The following CYP4F22 variants were observed in gnomAD, a reference collection of about 807,000 sequenced individuals.
CYP4F22 encodes the protein ultra-long-chain fatty acid omega-hydroxylase.
In CYP4F22, 37 loss-of-function variants were observed where a neutral mutation model predicts 60.4. The observed-to-expected ratio is 0.61, with a 90% CI of 0.47 to 0.81. The LOEUF (loss-of-function observed/expected upper bound fraction) is 0.81, where lower values mean the gene tolerates loss of function less well. CYP4F22 is among the 30% of genes least tolerant of loss of function. The pLI is 0.00. For missense variants in CYP4F22, 655 were observed against 715.0 expected (o/e 0.92, Z 0.96); for synonymous variants, 258 against 280.5 (o/e 0.92, Z 0.80).
intron 4 of CYP4F22, among the ~76,000 whole-genome samples, chr19:15,533,748 G>A (rs1446467821): frequency 6.6e-6 from 1 of 151,714 alleles, no homozygotes; most frequent in Non-Finnish European, 1.5e-5. Context: ...CTGCAGGCAC[G>A]CACCACCATG....
Position 15,544,050 on chromosome 19 carries a change from G to A in CYP4F22, c.1006+13G>A, listed in dbSNP as rs202078702. On this transcript the variant is annotated intron_variant, in intron 9 of 13. Transcript: ENST00000269703. Reference sequence around the variant, plus strand: ...TTCATGTTTGAGGGTGAGGATGTGGGGTGAGGCTGGAGGAGGGCAGGAAGG... The same window carrying A: ...TTCATGTTTGAGGGTGAGGATGTGGAGTGAGGCTGGAGGAGGGCAGGAAGG... 7.4e-4 allele frequency: 1,187 copies of A among 1,614,092 alleles called. 4 individuals are homozygous for A. The highest frequency in any genetic ancestry group is 6.6e-4 in the Non-Finnish European group (773 of 1,180,008).
At chr19:15,530,763 C>T (rs954151256) in intron 4 of CYP4F22, among the ~76,000 whole-genome samples, 2 of 152,108 alleles carry the variant, frequency 1.3e-5, no homozygotes, top group East Asian at 3.9e-4. Context: ...ATCATGGGAA[C>T]AGCAACATGG....
intron 10 of CYP4F22, among the ~76,000 whole-genome samples, chr19:15,545,607 CCACTG>C (rs1195782165): frequency 1.4e-5 from 2 of 141,938 alleles, no homozygotes; most frequent in African/African-American, 5.4e-5. Flanking sequence ...CAAGATTACG[CCACTG>C]CACTCCAGCC....
At chr19:15,511,155 G>A (rs982875463) in intron 1 of CYP4F22, among the ~76,000 whole-genome samples, 6 of 150,702 alleles carry the variant, frequency 4.0e-5, no homozygotes, top group African/African-American at 1.5e-4. Context: ...TAGTAGAGAT[G>A]GGGTTTCTCC....
At chr19:15,546,922 G>T (rs1249706822) in intron 10 of CYP4F22, among the ~76,000 whole-genome samples, 1 of 151,312 alleles carries the variant, frequency 6.6e-6, no homozygotes. Context: ...TGTTGCCCAG[G>T]CTGGTCACGA....
chr19:15,534,332 A>G (rs973347447), intron 4 of CYP4F22, among the ~76,000 whole-genome samples: 3 of 152,102 alleles, frequency 2.0e-5, no homozygotes, highest in Non-Finnish European at 4.4e-5. Context: ...TTGAACTCAG[A>G]CCTGGCTGGC....
At chr19:15,515,292 T>C (rs1654593) in intron 1 of CYP4F22, 1 of 1,067,346 alleles carries the variant, frequency 9.4e-7, no homozygotes, top group African/African-American at 1.6e-5. Flanking sequence ...TTTTAATATT[T>C]TCAGTGTATA....
rs752025061 is a variant in CYP4F22, at chr19:15,540,743, TG to T, written c.939+28del. On this transcript the variant is annotated intron_variant, in intron 8 of 13. Transcript: ENST00000269703. ...GTGAGGCTGGGCCCCCTGGAATTGC[TG>T]GCCTCCCGAGGGCTGGCCTCCCGAG... is the stretch of plus-strand genomic sequence containing the variant. 1.8e-5 allele frequency: 26 copies of T among 1,468,608 alleles called. No homozygotes were observed. The East Asian group carries it at 2.3e-4, about 13-fold the overall frequency. 91.0% of individuals were successfully genotyped at this position (1,468,608 alleles called of 1,614,324 possible). A position where few individuals can be genotyped will look rare whatever the true frequency, so the allele number is the denominator to read the frequency against.
chr19:15,522,168 G>C (rs1418960264), intron 1 of CYP4F22, among the ~76,000 whole-genome samples: 1 of 144,442 alleles, frequency 6.9e-6, no homozygotes, highest in East Asian at 2.1e-4. Context: ...AAAAAAAAAG[G>C]AAACACCATA....
chr19:15,510,952 A>ATC (rs1202017576), intron 1 of CYP4F22, among the ~76,000 whole-genome samples: 1 of 111,632 alleles, frequency 9.0e-6, no homozygotes, highest in African/African-American at 3.9e-5. Flanking sequence ...TACCATATAT[A>ATC]TATATATATA....
At position 15,548,138 on chromosome 19, in the gene CYP4F22, T is replaced by A; in HGVS notation, c.1167T>A (p.Thr389=). The stretch of plus-strand genomic sequence containing the variant: ...ATCTGACTCAGCTGCCCTTTACAAC[T>A]ATGTGCATTAAGGAGAGCCTGCGCC... The part of the protein sequence containing the change: ...WDDLTQLPFT[T]MCIKESLRQY... The change falls in exon 11 of 14, where the codon ACT becomes ACA. Residue 389 remains threonine, a synonymous_variant. Coordinates refer to ENST00000269703, the MANE Select transcript of CYP4F22 (RefSeq NM_173483.4). The A allele has an allele frequency of 1.2e-6, 2 of 1,613,852 alleles. No homozygotes were observed. The highest frequency in any genetic ancestry group is 1.7e-6 in the Non-Finnish European group (2 of 1,179,948).
At chr19:15,531,649 A>G (rs958870603) in intron 4 of CYP4F22, among the ~76,000 whole-genome samples, 1 of 152,164 alleles carries the variant, frequency 6.6e-6, no homozygotes, top group Non-Finnish European at 1.5e-5. Context: ...AGGGATGAAT[A>G]CCAACTTGTG....
At chr19:15,510,121 A>G (rs1971073089) in intron 1 of CYP4F22, among the ~76,000 whole-genome samples, 1 of 151,822 alleles carries the variant, frequency 6.6e-6, no homozygotes, top group Non-Finnish European at 1.5e-5. Context: ...ATGGAGGACT[A>G]CAGGCATGCA....
chr19:15,547,893 TGCATGA>T (rs1451710193), intron 10 of CYP4F22, among the ~76,000 whole-genome samples: 3 of 151,554 alleles, frequency 2.0e-5, no homozygotes, highest in Admixed American at 6.6e-5. Context: ...TTCCCACCTG[TGCATGA>T]GACAACTGCA....
Position 15,537,264 on chromosome 19 carries a change from G to A in CYP4F22, c.368-97G>A, listed in dbSNP as rs907512862. 1.5e-4 allele frequency: 229 copies of A among 1,511,218 alleles called. 1 individual carries two copies. Among genetic ancestry groups the A allele is most frequent in the Middle Eastern group, 4.7e-4 (2 of 4,276 alleles). The allele number at this position is 1,511,218 out of a possible 1,614,324, so 93.6% of individuals were successfully genotyped here. A position where few individuals can be genotyped will look rare whatever the true frequency, so the allele number is the denominator to read the frequency against. On this transcript the variant is annotated intron_variant, in intron 4 of 13. Coordinates refer to ENST00000269703, the MANE Select transcript of CYP4F22 (RefSeq NM_173483.4). ...TGCAGTGAGTGGAGATCGCACCACT[G>A]CACTCCAGCCTGGATGACAGAGCAA...
chr19:15,543,172 C>T (rs1971483080), intron 8 of CYP4F22, among the ~76,000 whole-genome samples: 1 of 152,146 alleles, frequency 6.6e-6, no homozygotes, highest in Non-Finnish European at 1.5e-5. Flanking sequence ...TTCCCATCAA[C>T]CTTGTAAAAG....
chr19:15,525,643 C>G, intron 3 of CYP4F22, 85 bp downstream of exon 3: 1 of 1,310,908 alleles, frequency 7.6e-7, no homozygotes, highest in Non-Finnish European at 1.1e-6. Context: ...GCTGGCTTCC[C>G]ACAGCCTCCC....
At position 15,551,813 on chromosome 19, in the gene CYP4F22, A is replaced by C. The variant is rs1971602394; in HGVS notation, c.*342A>C. 1 of 393,502 alleles carries C rather than the reference A, an allele frequency of 2.5e-6. No homozygotes were observed. The highest frequency in any genetic ancestry group is 4.7e-6 in the Non-Finnish European group (1 of 212,334). 24.4% of individuals were successfully genotyped at this position (393,502 alleles called of 1,614,324 possible). A position where few individuals can be genotyped will look rare whatever the true frequency, so the allele number is the denominator to read the frequency against. ...TGAGGTCCTCAGGCCACGCCCCTGC[A>C]GATCCAGGTCTCCAGGCCTTGCCCA... On this transcript the variant is annotated 3_prime_UTR_variant, in exon 14 of 14. Transcript: ENST00000269703.
chr19:15,511,971 G>A (rs1568351732), intron 1 of CYP4F22, among the ~76,000 whole-genome samples: 2 of 152,206 alleles, frequency 1.3e-5, no homozygotes, highest in South Asian at 2.1e-4. Context: ...CTACCAAGGC[G>A]GGCCTGCTGG....
Sources: gnomAD v4.1 joint callset for allele counts (sites outside exome capture counted in the v4.1 genomes callset) on GRCh38, gnomAD v4.1.1 for gene constraint, MANE v1.5 for transcripts, NCBI Gene and HGNC (gene_info 2026-07-23, HGNC 2026-07-21) for gene names.